Variants in DLG4 observed in about 807,000 individuals in gnomAD.
DLG4 encodes disks large homolog 4.
Under a neutral mutation model 93.8 loss-of-function variants are expected in DLG4, and 7 were observed. The observed-to-expected ratio is 0.07, with a 90% CI of 0.04 to 0.14. DLG4 has a LOEUF of 0.14. Ranked by LOEUF, DLG4 falls within the 10% of genes least tolerant of loss-of-function variation. The pLI is 1.00. For missense variants in DLG4, 545 were observed against 992.9 expected, an observed-to-expected ratio of 0.55 and a Z score of 6.06; for synonymous variants, 341 against 387.6, an observed-to-expected ratio of 0.88 and a Z score of 1.41.
Position 7,217,486 on chromosome 17 carries a change from A to C in DLG4, c.-339T>G. 2 of 291,222 alleles carry C rather than the reference A, an allele frequency of 6.9e-6. No homozygotes were observed. The highest frequency in any genetic ancestry group is 1.1e-5 in the Non-Finnish European group (2 of 178,272). The allele number at this position is 291,222 out of a possible 1,614,324, so 18.0% of individuals were successfully genotyped here. A position where few individuals can be genotyped will look rare whatever the true frequency, so the allele number is the denominator to read the frequency against. ...AGCTGGGGTGGGGGAGGGGAACTGG[A>C]TTTCGGGGAGCCCCGGGGTAGGGGG... On this transcript the variant is annotated 5_prime_UTR_variant, in exon 1 of 20. Transcript: ENST00000399506.
At position 7,217,153 on chromosome 17, in the gene DLG4, G is replaced by A; in HGVS notation, c.-6C>T. ...ACTATACAGAGACAGTCCATGTTGG[G>A]GGGCCTGGCCGCGGCGGCGGGTAAG... On this transcript the variant is annotated 5_prime_UTR_variant, in exon 1 of 20. Coordinates refer to ENST00000399506, the MANE Select transcript of DLG4 (RefSeq NM_001321075.3). 3.9e-6 allele frequency: 5 copies of A among 1,290,926 alleles called. No homozygotes were observed. The highest frequency in any genetic ancestry group is 4.9e-6 in the Non-Finnish European group (5 of 1,015,754). 80.0% of individuals were successfully genotyped at this position (1,290,926 alleles called of 1,614,324 possible).
At chr17:7,217,861 C>T, upstream of DLG4, 1 of 1,514,286 alleles carries the variant, frequency 6.6e-7, no homozygotes, top group Non-Finnish European at 8.9e-7. Flanking sequence ...TATAGTTGGG[C>T]TGGGAGCACC....
chr17:7,187,923 A>G lies in DLG4; in HGVS notation c.*2785T>C, dbSNP rs1437152184. 6.6e-6 allele frequency among the ~76,000 whole-genome samples: 1 copy of G among 152,074 alleles called. No homozygotes were observed. Among genetic ancestry groups the G allele is most frequent in the Non-Finnish European group, 1.5e-5 (1 of 68,010 alleles). ...GTTTCTACTAAAAATATTAAAAAAT[A>G]GCTGTGTGTTATGGCACGCATCTGT... On this transcript the variant is annotated 3_prime_UTR_variant, in exon 20 of 20. Transcript: ENST00000399506.
rs1219467253 is a variant in DLG4, at chr17:7,188,858, T to C, written c.*1850A>G. Among the ~76,000 whole-genome samples the C allele has an allele frequency of 2.0e-5, 3 of 152,126 alleles. No homozygotes were observed. The highest frequency in any genetic ancestry group is 1.3e-4 in the Admixed American group (2 of 15,262). ...TGGGCGTAGTGGCTCATGCCTGTAA[T>C]CTTAACACTGTGGGAGGCCAAGCTG... is the stretch of plus-strand genomic sequence containing the variant. On this transcript the variant is annotated 3_prime_UTR_variant, in exon 20 of 20. Coordinates refer to ENST00000399506, the MANE Select transcript of DLG4 (RefSeq NM_001321075.3).
Position 7,191,086 on chromosome 17 carries a change from C to T in DLG4, c.2068+181G>A, listed in dbSNP as rs1011054225. Among the ~76,000 whole-genome samples the T allele has an allele frequency of 1.3e-5, 2 of 150,444 alleles. No individual in the cohort carries two copies. Among genetic ancestry groups the T allele is most frequent in the African/African-American group, 2.5e-5 (1 of 40,654 alleles). The stretch of plus-strand genomic sequence containing the variant: ...CCAGGTTCAAGCGATTCTCCTGCCT[C>T]GGCCTACCGAGTAGCTGGGATTACA... On this transcript the variant is annotated intron_variant, in intron 19 of 19. Transcript: ENST00000399506. This position sits in a 1 kb window ranked among gnomAD's most constrained non-coding sequence, Gnocchi z 6.6.
chr17:7,203,840 T>G lies in DLG4; in HGVS notation c.211-24A>C. On this transcript the variant is annotated intron_variant, in intron 4 of 19. Coordinates refer to ENST00000399506, the MANE Select transcript of DLG4 (RefSeq NM_001321075.3). This position sits in a 1 kb window ranked among gnomAD's most constrained non-coding sequence, Gnocchi z 7.2. ...CCCTGGGTGAAGGAGGGGAAGAGGG[T>G]CAGCTCCCCTCACTGCCCAAGTCTG... 1 of 1,611,944 alleles carries G rather than the reference T, an allele frequency of 6.2e-7. No individual in the cohort carries two copies.
At chr17:7,202,368 G>A (rs1429679847) in intron 8 of DLG4, among the ~76,000 whole-genome samples, 1 of 152,156 alleles carries the variant, frequency 6.6e-6, no homozygotes, top group Non-Finnish European at 1.5e-5. Flanking sequence ...TTAGCCTCCC[G>A]TAACGTTTTA....
chr17:7,202,107 G>A (rs1006254955), intron 8 of DLG4, among the ~76,000 whole-genome samples: 9 of 152,054 alleles, frequency 5.9e-5, no homozygotes, highest in South Asian at 2.1e-4. Context: ...TTCTCCTCTC[G>A]CTCTGTCACC....
At chr17:7,204,605 A>G (rs2142891204) in intron 2 of DLG4, among the ~76,000 whole-genome samples, 1 of 151,416 alleles carries the variant, frequency 6.6e-6, no homozygotes, top group South Asian at 2.1e-4. Context: ...GGCTTGGGGG[A>G]AGGGAGCTTC....
At chr17:7,211,545 C>T (rs1190658562) in intron 1 of DLG4, 2 of 315,114 alleles carry the variant, frequency 6.3e-6, no homozygotes, top group African/African-American at 4.6e-5. Context: ...AGTTGCAACC[C>T]AGAGACCCCG....
intron 8 of DLG4, among the ~76,000 whole-genome samples, chr17:7,198,115 G>A (rs1046886399): frequency 8.5e-5 from 13 of 152,056 alleles, no homozygotes; most frequent in African/African-American, 2.9e-4. Context: ...GACAATCACC[G>A]CCTGGTTCTG....
At position 7,217,212 on chromosome 17, in the gene DLG4, C is replaced by A; in HGVS notation, c.-65G>T. On this transcript the variant is annotated 5_prime_UTR_variant, in exon 1 of 20. The change creates a new upstream start codon in the 5' untranslated region. Transcript: ENST00000399506. Reference sequence around the variant, plus strand: ...ACTTCATCGGAGTTTCGTTCCTCCCCTCCGTGGGTTCTCACCCCTCCCCCC... The same window carrying A: ...ACTTCATCGGAGTTTCGTTCCTCCCATCCGTGGGTTCTCACCCCTCCCCCC... 1 of 1,263,110 alleles carries A rather than the reference C, an allele frequency of 7.9e-7. No individual in the cohort carries two copies. The allele number at this position is 1,263,110 out of a possible 1,614,324, so 78.2% of individuals were successfully genotyped here.
chr17:7,218,918 ATTCCAGCTG>A (rs2071060416), upstream of DLG4: 2 of 1,562,882 alleles, frequency 1.3e-6, no homozygotes, highest in Admixed American at 3.3e-5. Context: ...TCCCCACTAA[ATTCCAGCTG>A]TGAGTAAAGT....
rs1273146322 is a variant in DLG4, at chr17:7,189,604, T to G, written c.*1104A>C. Among the ~76,000 whole-genome samples the G allele has an allele frequency of 6.6e-6, 1 of 152,210 alleles. No individual in the cohort carries two copies. Reference sequence around the variant, plus strand: ...TATTTTCCTTTAAGGACTGTTGTGCTTCCCAACAGGACTGAGACAGCCCGG... The same window carrying G: ...TATTTTCCTTTAAGGACTGTTGTGCGTCCCAACAGGACTGAGACAGCCCGG... On this transcript the variant is annotated 3_prime_UTR_variant, in exon 20 of 20. Transcript: ENST00000399506.
chr17:7,192,794 G>T, intron 17 of DLG4, 151 bp downstream of exon 17: 1 of 840,988 alleles, frequency 1.2e-6, no homozygotes, highest in Non-Finnish European at 1.8e-6. Context: ...CAGTCAGACA[G>T]AGTTGCCCAA....
chr17:7,205,257 G>A (rs1186366294), intron 2 of DLG4: 1 of 824,674 alleles, frequency 1.2e-6, no homozygotes, highest in Admixed American at 6.2e-5. Context: ...TTCGGGAAAG[G>A]GTTAAAGTGG....
At chr17:7,211,821 C>CGGGGGGGGGGGGGGGGGGGGGGGG (rs1318925894) in intron 1 of DLG4, 1 of 3,688 alleles carries the variant, frequency 2.7e-4, no homozygotes, top group African/African-American at 2.5e-3. Flanking sequence ...GAGGCTGCGG[C>CGGGGGGGGGGGGGGGGGGGGGGGG]GGGGGGGGGG....
Position 7,196,987 on chromosome 17 carries a change from C to T in DLG4, c.853G>A (p.Ala285Thr), listed in dbSNP as rs998069776. 6.2e-7 allele frequency: 1 copy of T among 1,613,712 alleles called. No individual in the cohort carries two copies. The change falls in exon 9 of 20, where the codon GCC (alanine) becomes ACC (threonine). Residue 285 changes from alanine (A) to threonine (T), a missense_variant. This residue lies in a region of DLG4 where 428 missense variants were observed against 741.4 expected (regional missense o/e 0.58). Transcript: ENST00000399506. This position sits in a 1 kb window ranked among gnomAD's most constrained non-coding sequence, Gnocchi z 8.3. ...CGCCGAGGGGAAGTGGGGGTCATGG[C>T]TGTGGGGTAGTCGGTGCCCAGGTAG... ...SSYLGTDYPTAMTPTSPRRYS... is the reference protein window; with the variant it reads ...SSYLGTDYPTTMTPTSPRRYS...
intron 2 of DLG4, among the ~76,000 whole-genome samples, chr17:7,207,374 G>C (rs555828115): frequency 5.3e-5 from 8 of 152,148 alleles, no homozygotes; most frequent in Admixed American, 1.3e-4. Flanking sequence ...CAGCCAGCAG[G>C]GAGGAAAGGC....
Sources: allele counts gnomAD v4.1 joint callset (sites outside exome capture counted in the v4.1 genomes callset), GRCh38; gene constraint gnomAD v4.1.1; regional missense constraint gnomAD v4.1.1; non-coding constraint Gnocchi (gnomAD v3.1); transcripts MANE v1.5; gene names NCBI Gene and HGNC (gene_info 2026-07-23, HGNC 2026-07-21).